SEM1: variants seen among roughly 807,000 people sequenced by gnomAD.
The protein encoded by SEM1 is SEM1 26S proteasome subunit.
SEM1 carries 3 observed loss-of-function variants against 12.7 expected under a neutral mutation model. The ratio of observed to expected loss-of-function variants is 0.24; its 90% confidence interval spans 0.11 to 0.61. The LOEUF is 0.61. Among genes scored for constraint, SEM1 ranks in the 20% least tolerant of loss-of-function variants. SEM1 has a pLI of 0.88. For synonymous variants in SEM1, 30 were observed against 27.8 expected (o/e 1.08, Z -0.25); for missense variants, 59 against 81.3 (o/e 0.73, Z 1.06).
intron 2 of SEM1, among the ~76,000 whole-genome samples, chr7:96,627,423 G>C (rs1175157839): frequency 6.6e-6 from 1 of 151,620 alleles, no homozygotes; most frequent in Admixed American, 6.6e-5. Context: ...TTCTCTCTTG[G>C]TACTGCTTTT....
intron 2 of SEM1, among the ~76,000 whole-genome samples, chr7:96,537,705 G>A (rs1804829156): frequency 6.6e-6 from 1 of 151,708 alleles, no homozygotes; most frequent in Non-Finnish European, 1.5e-5. Flanking sequence ...ATTTGCTGCA[G>A]GTTGATTATG....
intron 2 of SEM1, among the ~76,000 whole-genome samples, chr7:96,567,355 A>G (rs73708354): frequency 0.02 from 3,007 of 151,526 alleles, 91 homozygotes; most frequent in African/African-American, 0.068. Context: ...TTATATTTTA[A>G]TGTAACTTTC....
intron 2 of SEM1, among the ~76,000 whole-genome samples, chr7:96,539,565 T>C (rs1804886139): frequency 6.6e-6 from 1 of 151,750 alleles, no homozygotes; most frequent in African/African-American, 2.4e-5. Context: ...GAAATTCTAT[T>C]TACAACTGGA....
chr7:96,635,298 G>T (rs1048300920), intron 2 of SEM1, among the ~76,000 whole-genome samples: 2 of 152,108 alleles, frequency 1.3e-5, no homozygotes, highest in African/African-American at 4.8e-5. Context: ...ATGTCTATCA[G>T]AGATTTGAGG....
intron 2 of SEM1, among the ~76,000 whole-genome samples, chr7:96,563,303 C>G (rs553786525): frequency 3.0e-4 from 46 of 151,782 alleles, no homozygotes; most frequent in African/African-American, 1.0e-3. Flanking sequence ...AAATAGGAAG[C>G]AAGGTCATTA....
At chr7:96,569,744 C>A (rs1357601350) in intron 2 of SEM1, among the ~76,000 whole-genome samples, 7 of 152,050 alleles carry the variant, frequency 4.6e-5, no homozygotes, top group African/African-American at 1.7e-4. Flanking sequence ...TCTAGATGTC[C>A]ATGTTTATCC....
At chr7:96,578,536 A>T (rs1352957126) in intron 2 of SEM1, among the ~76,000 whole-genome samples, 5 of 152,202 alleles carry the variant, frequency 3.3e-5, no homozygotes, top group Admixed American at 1.3e-4. Flanking sequence ...AAACTAAAAG[A>T]TCTATTTTCT....
At chr7:96,489,421 A>G (rs1802911852) in intron 1 of SEM1, among the ~76,000 whole-genome samples, 2 of 152,120 alleles carry the variant, frequency 1.3e-5, no homozygotes, top group South Asian at 4.1e-4. Flanking sequence ...ATAAGTTCCC[A>G]GTTGATGCTG....
intron 2 of SEM1, among the ~76,000 whole-genome samples, chr7:96,542,351 T>G (rs562289479): frequency 2.2e-4 from 33 of 151,974 alleles, no homozygotes; most frequent in African/African-American, 7.7e-4. Flanking sequence ...GTATTTTGTT[T>G]GTGTGGCTGT....
intron 2 of SEM1, among the ~76,000 whole-genome samples, chr7:96,677,865 G>GATAA (rs1465161004): frequency 1.3e-5 from 2 of 152,090 alleles, no homozygotes; most frequent in Non-Finnish European, 2.9e-5. Context: ...CAGTAGCCAA[G>GATAA]ATAAAACCAA....
intron 2 of SEM1, among the ~76,000 whole-genome samples, chr7:96,572,407 C>T (rs937882942): frequency 4.6e-5 from 7 of 152,150 alleles, no homozygotes; most frequent in African/African-American, 1.7e-4. Context: ...CCTGCTTTCT[C>T]CTGTTGGCAT....
intron 2 of SEM1, among the ~76,000 whole-genome samples, chr7:96,610,775 G>A (rs1049710660): frequency 3.3e-5 from 5 of 152,196 alleles, no homozygotes; most frequent in Non-Finnish European, 7.3e-5. Flanking sequence ...GGGGCAGTAG[G>A]AGATTCAAAA....
chr7:96,592,436 C>T (rs1382745121), intron 2 of SEM1, among the ~76,000 whole-genome samples: 1 of 151,914 alleles, frequency 6.6e-6, no homozygotes, highest in Admixed American at 6.6e-5. Context: ...CTAAATGACA[C>T]ATCGCTCACT....
chr7:96,646,099 C>G (rs892519610), intron 2 of SEM1, among the ~76,000 whole-genome samples: 2 of 152,172 alleles, frequency 1.3e-5, no homozygotes, highest in East Asian at 3.9e-4. Flanking sequence ...ATGTACTTCT[C>G]CATGGTCTGT....
At chr7:96,544,436 A>G (rs1186295260) in intron 2 of SEM1, among the ~76,000 whole-genome samples, 1 of 152,086 alleles carries the variant, frequency 6.6e-6, no homozygotes, top group Non-Finnish European at 1.5e-5. Flanking sequence ...ATAGAGAAAT[A>G]AGCTATTGCT....
intron 2 of SEM1, among the ~76,000 whole-genome samples, chr7:96,583,221 C>A (rs1395507689): frequency 6.7e-6 from 1 of 148,726 alleles, no homozygotes; most frequent in Non-Finnish European, 1.5e-5. Context: ...GCCTTCATTT[C>A]GTTATGTATC....
chr7:96,626,882 T>G (rs958374498), intron 2 of SEM1, among the ~76,000 whole-genome samples: 1 of 152,134 alleles, frequency 6.6e-6, no homozygotes, highest in Non-Finnish European at 1.5e-5. Flanking sequence ...CTTTAAATGT[T>G]TGATAGAATT....
At chr7:96,548,744 T>TACA (rs1805177593) in intron 2 of SEM1, among the ~76,000 whole-genome samples, 1 of 152,204 alleles carries the variant, frequency 6.6e-6, no homozygotes, top group Non-Finnish European at 1.5e-5. Context: ...GTTTTGCCCA[T>TACA]TAAAGTATCT....
intron 1 of SEM1, among the ~76,000 whole-genome samples, chr7:96,701,421 G>C (rs927042519): frequency 1.1e-4 from 17 of 152,082 alleles, no homozygotes; most frequent in Non-Finnish European, 2.5e-4. Flanking sequence ...ACAGCACAAA[G>C]GCAGCCTTGT....
Sources: allele counts gnomAD v4.1 joint callset (sites outside exome capture counted in the v4.1 genomes callset), GRCh38; gene constraint gnomAD v4.1.1; transcripts MANE v1.5; gene names NCBI Gene and HGNC (gene_info 2026-07-23, HGNC 2026-07-21).